Variants in ZNF292 observed in about 807,000 individuals in gnomAD.
ZNF292 encodes the protein zinc finger protein 292, also known as 16 zinc-finger domain protein.
Under a neutral mutation model 217.9 loss-of-function variants are expected in ZNF292, and 26 were observed. The ratio of observed to expected loss-of-function variants is 0.12; its 90% CI spans 0.09 to 0.17. The LOEUF (loss-of-function observed/expected upper bound fraction) is 0.17, where lower values mean the gene tolerates loss of function less well. ZNF292 is among the 10% of genes least tolerant of loss of function. The probability of loss-of-function intolerance (pLI) is 1.00; values close to 1 mark genes in which losing one functional copy is unlikely to be tolerated. For synonymous variants in ZNF292, 1,257 were observed against 1,124.1 expected (o/e 1.12, Z -2.37); for missense variants, 2,904 against 3,175.2 (o/e 0.91, Z 2.05).
intron 1 of ZNF292, among the ~76,000 whole-genome samples, chr6:87,175,017 G>A (rs1445880254): frequency 3.3e-5 from 5 of 152,056 alleles, no homozygotes; most frequent in Admixed American, 1.3e-4. Flanking sequence ...GCATCTTCTC[G>A]TATGTGTACT....
intron 1 of ZNF292, among the ~76,000 whole-genome samples, chr6:87,197,072 G>A (rs1771970710): frequency 1.0e-5 from 1 of 98,952 alleles, no homozygotes. Flanking sequence ...TGAGAAAGGA[G>A]GTCAGATTCA....
rs114815908 is a variant in ZNF292, at chr6:87,258,525, G to A, written c.4896G>A (p.Lys1632=). ...KKGNSASKRR[K]KVAPPLIAPN... ...GAAACAGTGCTTCTAAGAGAAGAAA[G>A]AAAGTTGCTCCTCCACTAATTGCAC... Residue 1632 remains lysine (K), a synonymous_variant, in exon 8 of 8, where the codon AAG becomes AAA. Transcript: ENST00000369577. 6.4e-4 allele frequency: 1,027 copies of A among 1,613,638 alleles called. 3 individuals carry two copies. In the African/African-American group the frequency reaches 0.012, roughly 19 times the overall value.
chr6:87,246,960 G>A (rs1212516648), intron 7 of ZNF292, among the ~76,000 whole-genome samples: 1 of 152,186 alleles, frequency 6.6e-6, no homozygotes, highest in African/African-American at 2.4e-5. Flanking sequence ...TTCAAGACCA[G>A]CCTGGCCAAC....
At chr6:87,250,909 G>A (rs1774886461) in intron 7 of ZNF292, among the ~76,000 whole-genome samples, 1 of 152,136 alleles carries the variant, frequency 6.6e-6, no homozygotes, top group African/African-American at 2.4e-5. Flanking sequence ...ATATTATATG[G>A]GTCTTTCTAC....
intron 4 of ZNF292, among the ~76,000 whole-genome samples, chr6:87,219,695 G>A (rs1368330067): frequency 6.6e-6 from 1 of 152,194 alleles, no homozygotes; most frequent in African/African-American, 2.4e-5. Context: ...CGTTCTAGCA[G>A]TGTACTTGTT....
chr6:87,171,491 C>T (rs1771097075), intron 1 of ZNF292, among the ~76,000 whole-genome samples: 1 of 151,734 alleles, frequency 6.6e-6, no homozygotes, highest in South Asian at 2.1e-4. Flanking sequence ...ATAATGTTTG[C>T]TGAGTACTTT....
Position 87,255,142 on chromosome 6 carries a change from T to C in ZNF292, c.1513T>C (p.Ser505Pro), listed in dbSNP as rs1256526499. Residue 505 changes from serine (S) to proline (P), a missense_variant, in exon 8 of 8, where the codon TCT becomes CCT. Ser to Pro is a moderately conservative substitution (Grantham distance 74). This residue lies in a region of ZNF292 where 87 missense variants were observed against 99.6 expected (regional missense o/e 0.87). Coordinates refer to ENST00000369577, the MANE Select transcript of ZNF292 (RefSeq NM_015021.3). Reference protein sequence around the residue: ...NGLSGGVGANSGLLKDIGDEK... With the variant: ...NGLSGGVGANPGLLKDIGDEK... ...GCTTTCTGGTGGAGTTGGTGCTAAT[T>C]CTGGCCTTCTTAAAGACATTGGTGA... 11 of 1,613,630 alleles carry C rather than the reference T, an allele frequency of 6.8e-6. No individual in the cohort carries two copies. Among genetic ancestry groups the C allele is most frequent in the African/African-American group, 1.3e-5 (1 of 74,930 alleles).
At chr6:87,247,421 A>G (rs1389715021) in intron 7 of ZNF292, among the ~76,000 whole-genome samples, 1 of 152,204 alleles carries the variant, frequency 6.6e-6, no homozygotes, top group Non-Finnish European at 1.5e-5. Context: ...AATTTTAGGT[A>G]TGTCCAACTG....
Sources: gnomAD v4.1 joint callset for allele counts (sites outside exome capture counted in the v4.1 genomes callset) on GRCh38, gnomAD v4.1.1 for gene constraint, gnomAD v4.1.1 regional missense constraint, MANE v1.5 for transcripts, NCBI Gene and HGNC (gene_info 2026-07-23, HGNC 2026-07-21) for gene names.